Variants in ZNF75A observed in about 807,000 individuals in gnomAD.
ZNF75A encodes zinc finger protein 75A.
ZNF75A carries 36 observed loss-of-function variants against 46.3 expected under a neutral mutation model. That is an observed-to-expected ratio of 0.78 (90% CI 0.60 to 1.03). The LOEUF (loss-of-function observed/expected upper bound fraction) is 1.03, where lower values mean the gene tolerates loss of function less well. Ranked by LOEUF, ZNF75A falls within the 50% of genes least tolerant of loss-of-function variation. ZNF75A has a pLI of 0.00. For missense variants in ZNF75A, 595 were observed against 551.3 expected (o/e 1.08, Z -0.79); for synonymous variants, 234 against 189.9 (o/e 1.23, Z -1.91).
Position 3,317,764 on chromosome 16 carries a change from A to T in ZNF75A, c.1509A>T (p.Lys503Asn). Reference sequence around the variant, plus strand: ...TCAGTCAGAACTCCCACCTTATTAAACACCGGAGAACCCACACAGGTGAGC... The same window carrying T: ...TCAGTCAGAACTCCCACCTTATTAATCACCGGAGAACCCACACAGGTGAGC... The part of the protein sequence containing the change: ...KKFSQNSHLI[K>N]HRRTHTGEQP... Residue 503 changes from lysine (K) to asparagine (N), a missense_variant, in exon 7 of 7, where the codon AAA (lysine) becomes AAT (asparagine). Transcript: ENST00000669516. The T allele has an allele frequency of 6.2e-7, 1 of 1,614,146 alleles. No individual in the cohort carries two copies. Among genetic ancestry groups the T allele is most frequent in the Non-Finnish European group, 8.5e-7 (1 of 1,180,008 alleles).
rs1349751860 is a variant in ZNF75A at position 3,315,023 on chromosome 16, T to A, written c.823+1848T>A. The A allele has an allele frequency of 3.0e-6, 3 of 985,070 alleles. No homozygotes were observed. The African/African-American group carries it at 5.3e-5, about 17-fold the overall frequency. 61.0% of individuals were successfully genotyped at this position (985,070 alleles called of 1,614,324 possible). A position where few individuals can be genotyped will look rare whatever the true frequency, so the allele number is the denominator to read the frequency against. Reference sequence around the variant, plus strand: ...GGAGGGTGTAGGTGGTGTATCCAGATCACCTGGGGAGCTTTTCCAGATGTA... The same window carrying A: ...GGAGGGTGTAGGTGGTGTATCCAGAACACCTGGGGAGCTTTTCCAGATGTA... On this transcript the variant is annotated intron_variant, in intron 5 of 6. Coordinates refer to ENST00000669516, the MANE Select transcript of ZNF75A (RefSeq NM_001302109.2).
chr16:3,312,833 G>A, intron 4 of ZNF75A, 65 bp downstream of exon 4: 1 of 1,232,156 alleles, frequency 8.1e-7, no homozygotes, highest in Non-Finnish European at 1.1e-6. Flanking sequence ...ATACTGTCCA[G>A]GAGGGGTTCA....
rs1327097666 is a variant in ZNF75A, at chr16:3,311,928, CTG to C, written c.585_586del (p.Glu196AlafsTer4). On this transcript the variant is annotated frameshift_variant, in exon 3 of 7. Coordinates refer to ENST00000669516, the MANE Select transcript of ZNF75A (RefSeq NM_001302109.2). LOFTEE classifies it high-confidence loss of function. ...CTCAGCAGGAATACTCATAAAGAGA[CTG>C]AGCCTGTGTATGAGAGGGGTAAGGA... The C allele has an allele frequency of 6.1e-6, 6 of 986,950 alleles. No homozygotes were observed. The highest frequency in any genetic ancestry group is 7.2e-6 in the Non-Finnish European group (6 of 830,394). 61.1% of individuals were successfully genotyped at this position (986,950 alleles called of 1,614,324 possible). A position where few individuals can be genotyped will look rare whatever the true frequency, so the allele number is the denominator to read the frequency against.
chr16:3,320,091 G>T (rs907759548), downstream of ZNF75A, among the ~76,000 whole-genome samples: 18 of 152,164 alleles, frequency 1.2e-4, no homozygotes, highest in African/African-American at 4.3e-4. Flanking sequence ...TGTTGCCCAG[G>T]CTGGAGTGCA....
intron 1 of ZNF75A, 70 bp downstream of exon 1, chr16:3,305,713 G>T (rs1960146189): frequency 6.6e-6 from 1 of 152,268 alleles, no homozygotes; most frequent in Non-Finnish European, 1.5e-5. Context: ...CCGCAGGGAG[G>T]CAGCCATTTT....
rs113750379 is a variant in ZNF75A at position 3,318,493 on chromosome 16, G to A, written c.*624G>A. 1,169 of 985,366 alleles carry A rather than the reference G, an allele frequency of 1.2e-3. 16 individuals are homozygous for A. The African/African-American group carries it at 0.019, about 16-fold the overall frequency. The allele number at this position is 985,366 out of a possible 1,614,324, so 61.0% of individuals were successfully genotyped here. ...AGAAGACATCTCTAATGGAATCATG[G>A]GGGAAACGGGTTGGAATTTGTAGCC... On this transcript the variant is annotated 3_prime_UTR_variant, in exon 7 of 7. Transcript: ENST00000669516.
At chr16:3,323,093 C>G, downstream of ZNF75A, 1 of 523,688 alleles carries the variant, frequency 1.9e-6, no homozygotes, top group Non-Finnish European at 3.1e-6. Flanking sequence ...AGGAAATAGT[C>G]TTTGAAGATA....
chr16:3,311,036 A>T (rs1440976977), intron 2 of ZNF75A: 1 of 742,848 alleles, frequency 1.3e-6, no homozygotes, highest in Non-Finnish European at 1.6e-6. Flanking sequence ...GCTGACAGGA[A>T]AACTTTTAAA....
chr16:3,323,303 A>G (rs2030011629), downstream of ZNF75A: 4 of 966,892 alleles, frequency 4.1e-6, no homozygotes, highest in Non-Finnish European at 6.6e-6. Context: ...AGAGGTGGAA[A>G]GGGCAAAAGA....
At chr16:3,319,783 A>ATTTTTTTTTTTTTTTTTTTTT (rs55767869), downstream of ZNF75A, among the ~76,000 whole-genome samples, 1 of 133,296 alleles carries the variant, frequency 7.5e-6, no homozygotes, top group South Asian at 2.5e-4. Flanking sequence ...GAAGCTTTTC[A>ATTTTTTTTTTTTTTTTTTTTT]TTTTTTTTTT....
At position 3,316,501 on chromosome 16, in the gene ZNF75A, C is replaced by A. The variant is rs373902917; in HGVS notation, c.824-411C>A. 7.1e-5 allele frequency: 11 copies of A among 154,926 alleles called. No individual in the cohort carries two copies. In the South Asian group the frequency reaches 2.0e-3, roughly 29 times the overall value. The allele number at this position is 154,926 out of a possible 1,614,324, so 9.6% of individuals were successfully genotyped here. On this transcript the variant is annotated intron_variant, in intron 5 of 6. Coordinates refer to ENST00000669516, the MANE Select transcript of ZNF75A (RefSeq NM_001302109.2). ...ATAGTAATCACTTGTGCTTATGATA[C>A]TCAAGTCAGCGTCCTTCACATTGGC... is the stretch of plus-strand genomic sequence containing the variant.
chr16:3,307,813 A>T (rs947086746), intron 1 of ZNF75A: 3 of 152,056 alleles, frequency 2.0e-5, no homozygotes, highest in Non-Finnish European at 4.4e-5. Flanking sequence ...TGCAGGCATG[A>T]GCCACTGCAC....
chr16:3,310,406 T>C (rs929981106), intron 2 of ZNF75A, among the ~76,000 whole-genome samples: 1 of 150,668 alleles, frequency 6.6e-6, no homozygotes, highest in African/African-American at 2.4e-5. Context: ...AAAAAAAATG[T>C]TTTTAAAAAT....
intron 5 of ZNF75A, chr16:3,314,674 C>T (rs933120607): frequency 2.0e-6 from 2 of 985,270 alleles, no homozygotes; most frequent in African/African-American, 3.5e-5. Flanking sequence ...CCTGGCCTAC[C>T]ATGCAGTTCA....
At chr16:3,315,608 G>A (rs1961151194) in intron 5 of ZNF75A, among the ~76,000 whole-genome samples, 1 of 152,122 alleles carries the variant, frequency 6.6e-6, no homozygotes, top group African/African-American at 2.4e-5. Flanking sequence ...TCAGCCCCTT[G>A]CACTGCCAGC....
At chr16:3,319,242 T>C (rs143905179), downstream of ZNF75A, among the ~76,000 whole-genome samples, 352 of 152,068 alleles carry the variant, frequency 2.3e-3, no homozygotes, top group Admixed American at 4.6e-3. Flanking sequence ...GCCTCCAGAG[T>C]AGCTGGGATT....
rs141898819 is a variant in ZNF75A, at chr16:3,310,889, G to T, written c.409-864G>T. ...GGGTGGCGACACATCTGCTGACCTC[G>T]GGTCTGCTGGGAAGAATACAGGGCA... On this transcript the variant is annotated intron_variant, in intron 2 of 6. Transcript: ENST00000669516. The T allele has an allele frequency of 4.8e-5, 47 of 985,242 alleles. 1 individual carries two copies. The East Asian group carries it at 5.7e-4, about 12-fold the overall frequency. The allele number at this position is 985,242 out of a possible 1,614,324, so 61.0% of individuals were successfully genotyped here.
chr16:3,319,807 T>A (rs1313852928), downstream of ZNF75A, among the ~76,000 whole-genome samples: 1 of 151,410 alleles, frequency 6.6e-6, no homozygotes, highest in African/African-American at 2.4e-5. Flanking sequence ...ATTTTTTTTT[T>A]TATTTTTTTG....
Position 3,308,681 on chromosome 16 carries a change from G to C in ZNF75A, c.253G>C (p.Glu85Gln), listed in dbSNP as rs1160569269. 5.0e-6 allele frequency: 5 copies of C among 992,046 alleles called. No homozygotes were observed. In the African/African-American group the frequency reaches 7.0e-5, roughly 14 times the overall value. 61.5% of individuals were successfully genotyped at this position (992,046 alleles called of 1,614,324 possible). The change falls in exon 2 of 7, where the codon GAG becomes CAG. Residue 85 changes from glutamate to glutamine, a missense_variant. Coordinates refer to ENST00000669516, the MANE Select transcript of ZNF75A (RefSeq NM_001302109.2). Reference sequence around the variant, plus strand: ...GCTGAAGCCAGAGATCCACTCAAAAGAGCAGATACTGGAACTGCTGGTGCT... The same window carrying C: ...GCTGAAGCCAGAGATCCACTCAAAACAGCAGATACTGGAACTGCTGGTGCT... ...LWLKPEIHSK[E>Q]QILELLVLEQ... is the part of the protein sequence containing the mutation.
Sources: gnomAD v4.1 joint callset for allele counts (sites outside exome capture counted in the v4.1 genomes callset) on GRCh38, gnomAD v4.1.1 for gene constraint, MANE v1.5 for transcripts, NCBI Gene and HGNC (gene_info 2026-07-23, HGNC 2026-07-21) for gene names.